Variants in CNIH3 observed in about 807,000 individuals in gnomAD.
CNIH3 encodes protein cornichon homolog 3.
In CNIH3, 14 loss-of-function variants were observed where a neutral mutation model predicts 24.1. That is an observed-to-expected ratio of 0.58 (90% CI 0.38 to 0.91). CNIH3 has a LOEUF of 0.91. Ranked by LOEUF, CNIH3 falls within the 40% of genes least tolerant of loss-of-function variation. The pLI is 0.00. For missense variants in CNIH3, 178 were observed against 196.8 expected (o/e 0.90, Z 0.57); for synonymous variants, 68 against 73.8 (o/e 0.92, Z 0.40).
intron 1 of CNIH3, among the ~76,000 whole-genome samples, chr1:224,647,268 G>A (rs963585872): frequency 3.3e-5 from 5 of 152,224 alleles, no homozygotes; most frequent in Non-Finnish European, 7.3e-5. Flanking sequence ...TAGGCGTGAG[G>A]CACTGTGCCC....
intron 2 of CNIH3, among the ~76,000 whole-genome samples, chr1:224,532,363 C>G (rs1300417051): frequency 6.6e-6 from 1 of 152,004 alleles, no homozygotes; most frequent in African/African-American, 2.4e-5. Flanking sequence ...GATGGGGGAG[C>G]CTGTGGAAGG....
chr1:224,559,201 T>G (rs1680262770), intron 3 of CNIH3, among the ~76,000 whole-genome samples: 1 of 152,210 alleles, frequency 6.6e-6, no homozygotes, highest in African/African-American at 2.4e-5. Flanking sequence ...CTTTCTATAC[T>G]GTTTGGGTTC....
intron 3 of CNIH3, among the ~76,000 whole-genome samples, chr1:224,600,499 G>T (rs2125040568): frequency 6.6e-6 from 1 of 152,110 alleles, no homozygotes; most frequent in East Asian, 1.9e-4. Context: ...GCCATCTGTG[G>T]TATTTTTTAA....
chr1:224,649,713 T>C (rs1321386388), intron 1 of CNIH3, among the ~76,000 whole-genome samples: 1 of 152,200 alleles, frequency 6.6e-6, no homozygotes, highest in Non-Finnish European at 1.5e-5. Context: ...GTTCCTCCTC[T>C]GTAAATTGCA....
At chr1:224,720,921 G>T (rs1558333289) in intron 3 of CNIH3, among the ~76,000 whole-genome samples, 1 of 152,182 alleles carries the variant, frequency 6.6e-6, no homozygotes, top group East Asian at 1.9e-4. Context: ...ATGGCTCTGA[G>T]TGTCCCTTGG....
chr1:224,628,763 G>GGT (rs1340170064), intron 1 of CNIH3, among the ~76,000 whole-genome samples: 1 of 152,058 alleles, frequency 6.6e-6, no homozygotes, highest in African/African-American at 2.4e-5. Context: ...GGGGAAGGGA[G>GGT]GTGGGACATG....
At chr1:224,567,861 G>A (rs940618354) in intron 4 of CNIH3, among the ~76,000 whole-genome samples, 2 of 152,202 alleles carry the variant, frequency 1.3e-5, no homozygotes, top group Non-Finnish European at 2.9e-5. Context: ...ATAAGATCGA[G>A]AACCCGGAGT....
rs117766322 is a variant in CNIH3, at chr1:224,517,294, A to G, written n.15+1418A>G. ...GTGCAGAAATGCCAGCTGGGAGCCT[A>G]TTTAACGGAGCCATTTCATAAATCG... On this transcript the variant is annotated intron_variant and non_coding_transcript_variant, in intron 1 of 2. Transcript: ENST00000470602. Among the ~76,000 whole-genome samples the G allele has an allele frequency of 1.2e-3, 185 of 152,080 alleles. 3 individuals are homozygous for G. Among genetic ancestry groups the G allele is most frequent in the East Asian group, 0.011 (56 of 5,146 alleles).
At chr1:224,661,019 G>A (rs1445046244) in intron 1 of CNIH3, among the ~76,000 whole-genome samples, 1 of 152,198 alleles carries the variant, frequency 6.6e-6, no homozygotes, top group Non-Finnish European at 1.5e-5. Flanking sequence ...AAAAGTCTAT[G>A]ACAAATAGGA....
At chr1:224,467,716 G>A (rs892898680) in intron 1 of CNIH3, among the ~76,000 whole-genome samples, 32 of 151,870 alleles carry the variant, frequency 2.1e-4, no homozygotes, top group Middle Eastern at 3.4e-3. Context: ...GAGCCACTGC[G>A]CCTGGCTGGG....
intron 1 of CNIH3, among the ~76,000 whole-genome samples, chr1:224,469,630 C>T (rs1401924130): frequency 6.6e-6 from 1 of 152,212 alleles, no homozygotes; most frequent in African/African-American, 2.4e-5. Context: ...GCCTCAGCCT[C>T]CCAAGTAGCT....
intron 1 of CNIH3, among the ~76,000 whole-genome samples, chr1:224,445,502 G>A (rs1001808141): frequency 1.3e-5 from 2 of 150,796 alleles, no homozygotes; most frequent in African/African-American, 4.9e-5. Context: ...CTTGAACCTG[G>A]GAGGTGGAGG....
chr1:224,589,152 T>A (rs550074242), downstream of CNIH3, among the ~76,000 whole-genome samples: 2 of 152,214 alleles, frequency 1.3e-5, no homozygotes, highest in South Asian at 4.2e-4. Context: ...GATCTGCTTT[T>A]GTCTGACCTC....
intron 3 of CNIH3, among the ~76,000 whole-genome samples, chr1:224,724,937 A>G (rs1688937062): frequency 6.6e-6 from 1 of 152,184 alleles, no homozygotes; most frequent in South Asian, 2.1e-4. Context: ...CCGGCCAGGC[A>G]TGGTGGCTCA....
chr1:224,466,065 A>G (rs991931090), intron 1 of CNIH3, among the ~76,000 whole-genome samples: 5 of 152,114 alleles, frequency 3.3e-5, no homozygotes, highest in African/African-American at 1.2e-4. Context: ...AAACCCAGAA[A>G]TTGGCATTAG....
At chr1:224,634,917 C>A (rs1684013609) in intron 1 of CNIH3, among the ~76,000 whole-genome samples, 1 of 152,226 alleles carries the variant, frequency 6.6e-6, no homozygotes, top group Non-Finnish European at 1.5e-5. Flanking sequence ...TGGCAGTTTT[C>A]AGCACTGTTC....
intron 1 of CNIH3, among the ~76,000 whole-genome samples, chr1:224,506,771 A>G (rs1405615412): frequency 2.0e-5 from 3 of 152,106 alleles, no homozygotes; most frequent in East Asian, 3.9e-4. Flanking sequence ...CATGCCCAGA[A>G]CTGGACTAGA....
At chr1:224,689,873 G>T (rs1458822877) in intron 3 of CNIH3, among the ~76,000 whole-genome samples, 2 of 152,180 alleles carry the variant, frequency 1.3e-5, no homozygotes, top group Non-Finnish European at 2.9e-5. Flanking sequence ...GCAAGAGCCA[G>T]TTGCCTCTTG....
At chr1:224,609,015 C>T (rs1682560168) in intron 3 of CNIH3, among the ~76,000 whole-genome samples, 1 of 152,214 alleles carries the variant, frequency 6.6e-6, no homozygotes, top group African/African-American at 2.4e-5. Context: ...TGGGAGACTG[C>T]CTCTCTCTGG....
Sources: gnomAD v4.1 joint callset for allele counts (sites outside exome capture counted in the v4.1 genomes callset) on GRCh38, gnomAD v4.1.1 for gene constraint, MANE v1.5 for transcripts, NCBI Gene and HGNC (gene_info 2026-07-23, HGNC 2026-07-21) for gene names.